Variants in SOX5 observed in about 807,000 individuals in gnomAD.
SOX5 encodes the protein transcription factor SOX-5.
Under a neutral mutation model 92.0 loss-of-function variants are expected in SOX5, and 9 were observed. That is an observed-to-expected ratio of 0.10 (90% CI 0.06 to 0.17). The LOEUF (loss-of-function observed/expected upper bound fraction) is 0.17, where lower values mean the gene tolerates loss of function less well. Ranked by LOEUF, SOX5 falls within the 10% of genes least tolerant of loss-of-function variation. The pLI is 1.00. For synonymous variants in SOX5, 344 were observed against 336.3 expected, an observed-to-expected ratio of 1.02 and a Z score of -0.25; for missense variants, 642 against 944.5, an observed-to-expected ratio of 0.68 and a Z score of 4.20.
chr12:23,844,588 A>G (rs538213637), intron 3 of SOX5, among the ~76,000 whole-genome samples: 130 of 152,274 alleles, frequency 8.5e-4, no homozygotes, highest in African/African-American at 3.0e-3. Flanking sequence ...GTATGTCTGT[A>G]ACTTCCTACA....
At chr12:24,123,732 A>G (rs949257078) in intron 4 of SOX5, among the ~76,000 whole-genome samples, 3 of 152,250 alleles carry the variant, frequency 2.0e-5, no homozygotes, top group Admixed American at 2.0e-4. Flanking sequence ...TCATTTTGGC[A>G]TAAATACCAT....
chr12:24,524,565 A>C (rs1233683938), intron 1 of SOX5, among the ~76,000 whole-genome samples: 1 of 152,204 alleles, frequency 6.6e-6, no homozygotes, highest in Non-Finnish European at 1.5e-5. Context: ...AGGTATATGA[A>C]AAGATGCCTA....
At chr12:24,044,129 C>T (rs1368273129) in intron 4 of SOX5, among the ~76,000 whole-genome samples, 1 of 152,182 alleles carries the variant, frequency 6.6e-6, no homozygotes, top group African/African-American at 2.4e-5. Flanking sequence ...TACTACACAA[C>T]ATAAAGGTGT....
At position 23,575,568 on chromosome 12, in the gene SOX5, G is replaced by A. The variant is rs181717885; in HGVS notation, c.1342+93C>T. ...GAAGCTGTCCTATAGAATTCAAGCCGTGTATAGAGTGGGTGTGATGTGCCA... is the reference window on the plus strand; with the variant it reads ...GAAGCTGTCCTATAGAATTCAAGCCATGTATAGAGTGGGTGTGATGTGCCA... On this transcript the variant is annotated intron_variant, in intron 10 of 14. Transcript: ENST00000451604. 3.0e-4 allele frequency: 351 copies of A among 1,186,812 alleles called. 1 individual carries two copies. Among genetic ancestry groups the A allele is most frequent in the African/African-American group, 2.6e-3 (171 of 66,706 alleles). 73.5% of individuals were successfully genotyped at this position (1,186,812 alleles called of 1,614,324 possible).
intron 3 of SOX5, among the ~76,000 whole-genome samples, chr12:23,836,068 T>C (rs76119118): frequency 0.015 from 2,343 of 151,926 alleles, 69 homozygotes; most frequent in African/African-American, 0.054. Context: ...GGTAACAATT[T>C]ATATATAGTA....
At chr12:24,517,498 A>G (rs775224661) in intron 1 of SOX5, among the ~76,000 whole-genome samples, 4 of 152,114 alleles carry the variant, frequency 2.6e-5, no homozygotes, top group Non-Finnish European at 5.9e-5. Flanking sequence ...GTTATATACA[A>G]TCATTGTAAG....
At position 23,531,272 on chromosome 12, in the gene SOX5, C is replaced by CCTAA. The variant is rs1939028831; in HGVS notation, c.*2943_*2946dup. On this transcript the variant is annotated 3_prime_UTR_variant, in exon 15 of 15. Transcript: ENST00000451604. ...TGCACAGTTTAGTCTCGGACATAAA[C>CCTAA]CTAACTAAAATCAAATTTTGAATTT... 6.6e-6 allele frequency: 1 copy of CCTAA among 152,106 alleles called. No individual in the cohort carries two copies. Among genetic ancestry groups the CCTAA allele is most frequent in the African/African-American group, 2.4e-5 (1 of 41,414 alleles). The allele number at this position is 152,106 out of a possible 1,614,324, so 9.4% of individuals were successfully genotyped here.
chr12:24,182,101 A>C (rs1305269844), intron 4 of SOX5, among the ~76,000 whole-genome samples: 1 of 152,198 alleles, frequency 6.6e-6, no homozygotes, highest in African/African-American at 2.4e-5. Context: ...TGGTCCCCCA[A>C]ATTTTTAGAG....
chr12:24,291,383 T>C (rs1946604703), intron 2 of SOX5, among the ~76,000 whole-genome samples: 1 of 152,216 alleles, frequency 6.6e-6, no homozygotes, highest in Non-Finnish European at 1.5e-5. Context: ...GTTTAAATGG[T>C]ACAGCACAGG....
rs76678320 is a variant in SOX5, at chr12:23,615,907, T to C, written c.1018-11374A>G. Among the ~76,000 whole-genome samples, 365 of 152,328 alleles carry C rather than the reference T, an allele frequency of 2.4e-3. 3 individuals are homozygous for C. Among genetic ancestry groups the C allele is most frequent in the African/African-American group, 8.1e-3 (338 of 41,574 alleles). On this transcript the variant is annotated intron_variant, in intron 8 of 14. Coordinates refer to ENST00000451604, the MANE Select transcript of SOX5 (RefSeq NM_006940.6). ...GAGACTGTGCAAGAGTCCAGTTTAA[T>C]AGTACTGTATAGCTATTATCAAAAT... is the stretch of plus-strand genomic sequence containing the variant.
At chr12:23,664,450 C>G (rs1200105230) in intron 7 of SOX5, among the ~76,000 whole-genome samples, 1 of 151,822 alleles carries the variant, frequency 6.6e-6, no homozygotes, top group Non-Finnish European at 1.5e-5. Context: ...TTTCAATGAA[C>G]TTGCTTTTAC....
At chr12:24,553,144 T>C (rs2138979312) in intron 1 of SOX5, among the ~76,000 whole-genome samples, 1 of 152,348 alleles carries the variant, frequency 6.6e-6, no homozygotes, top group African/African-American at 2.4e-5. Context: ...TAGCCAGGTA[T>C]TGTTAGTGCT....
At chr12:24,216,221 C>T (rs111264900) in intron 3 of SOX5, among the ~76,000 whole-genome samples, 4 of 152,234 alleles carry the variant, frequency 2.6e-5, no homozygotes, top group Admixed American at 6.5e-5. Context: ...CGGTGGCTTA[C>T]GCCTGTAATC....
At chr12:23,538,332 C>G (rs540899238) in intron 13 of SOX5, among the ~76,000 whole-genome samples, 6 of 152,168 alleles carry the variant, frequency 3.9e-5, no homozygotes, top group African/African-American at 1.4e-4. Flanking sequence ...TAGATTTTTC[C>G]AAATCTAGAA....
At chr12:24,298,714 T>G (rs1947581721) in intron 2 of SOX5, among the ~76,000 whole-genome samples, 2 of 149,588 alleles carry the variant, frequency 1.3e-5, no homozygotes, top group African/African-American at 2.5e-5. Flanking sequence ...CTTGCATTTA[T>G]GTACTTGCTG....
intron 4 of SOX5, among the ~76,000 whole-genome samples, chr12:24,148,496 A>G (rs1398033197): frequency 7.0e-6 from 1 of 142,668 alleles, no homozygotes; most frequent in Admixed American, 7.1e-5. Flanking sequence ...AAAAAAAAAA[A>G]AAAAAAAAGA....
chr12:23,863,946 T>C (rs1448570251), intron 2 of SOX5, among the ~76,000 whole-genome samples: 1 of 151,756 alleles, frequency 6.6e-6, no homozygotes, highest in South Asian at 2.1e-4. Flanking sequence ...CCTTGTTTTA[T>C]GGCACTCTGC....
At chr12:23,545,863 A>G (rs1943033734) in intron 12 of SOX5, among the ~76,000 whole-genome samples, 1 of 150,304 alleles carries the variant, frequency 6.7e-6, no homozygotes, top group South Asian at 2.1e-4. Context: ...ATAGTAAGTA[A>G]GTCCTCATCT....
chr12:24,034,914 ACTAATAGAGCTGTTTT>A (rs1955871146), intron 4 of SOX5, among the ~76,000 whole-genome samples: 1 of 152,100 alleles, frequency 6.6e-6, no homozygotes, highest in Non-Finnish European at 1.5e-5. Flanking sequence ...CAATCAAGCT[ACTAATAGAGCTGTTTT>A]AAGTTTCAAC....
Sources: gnomAD v4.1 joint callset for allele counts (sites outside exome capture counted in the v4.1 genomes callset) on GRCh38, gnomAD v4.1.1 for gene constraint, MANE v1.5 for transcripts, NCBI Gene and HGNC (gene_info 2026-07-23, HGNC 2026-07-21) for gene names.